The following ARL13B variants were observed in gnomAD, a reference collection of about 807,000 sequenced individuals.
ARL13B encodes ADP-ribosylation factor-like protein 13B.
In ARL13B, 36 loss-of-function variants were observed where a neutral mutation model predicts 56.1. The ratio of observed to expected loss-of-function variants is 0.64; its 90% CI spans 0.49 to 0.85. The LOEUF is 0.85. Ranked by LOEUF, ARL13B falls within the 40% of genes least tolerant of loss-of-function variation. The pLI is 0.00. For synonymous variants in ARL13B, 178 were observed against 171.1 expected (o/e 1.04, Z -0.32); for missense variants, 519 against 507.1 (o/e 1.02, Z -0.23).
At position 94,036,602 on chromosome 3, in the gene ARL13B, T is replaced by G. The variant is rs2076772389; in HGVS notation, c.537T>G (p.Ile179Met). The G allele has an allele frequency of 6.2e-7, 1 of 1,614,054 alleles. No homozygotes were observed. The highest frequency in any genetic ancestry group is 1.7e-5 in the Admixed American group (1 of 60,012). Reference sequence around the variant, plus strand: ...ATGGAAAGAAAATTGACAAGTCCATTAAAAAAGGCCTTTATTGGCTGCTAC... The same window carrying G: ...ATGGAAAGAAAATTGACAAGTCCATGAAAAAAGGCCTTTATTGGCTGCTAC... ...SGYGKKIDKS[I>M]KKGLYWLLHV... The change falls in exon 5 of 10, where the codon ATT becomes ATG. Residue 179 changes from isoleucine to methionine, a missense_variant. Ile to Met is a conservative substitution (Grantham distance 10). Coordinates refer to ENST00000394222, the MANE Select transcript of ARL13B (RefSeq NM_001174150.2).
chr3:93,985,481 A>G (rs1403384206), intron 1 of ARL13B, among the ~76,000 whole-genome samples: 3 of 152,194 alleles, frequency 2.0e-5, no homozygotes, highest in Non-Finnish European at 4.4e-5. Flanking sequence ...TCTTGAAGAA[A>G]TTCATGCAAC....
intron 3 of ARL13B, among the ~76,000 whole-genome samples, chr3:94,021,690 G>A (rs1018471142): frequency 6.6e-6 from 1 of 152,042 alleles, no homozygotes; most frequent in Admixed American, 6.6e-5. Flanking sequence ...GTTAAAGTAG[G>A]TTGGCTTAGT....
In ARL13B at chr3:94,039,894, A is replaced by C. The variant is rs1199859314; in HGVS notation, c.704A>C (p.Gln235Pro). The C allele has an allele frequency of 1.2e-6, 2 of 1,614,120 alleles. No homozygotes were observed. Among genetic ancestry groups the C allele is most frequent in the Non-Finnish European group, 1.7e-6 (2 of 1,179,984 alleles). ...KLREERKQNE[Q>P]EQAELDGTSG... is the part of the protein sequence containing the mutation. The stretch of plus-strand genomic sequence containing the variant: ...TCAAACGATAGAAAACAAAATGAAC[A>C]GGAGCAGGCTGAACTCGATGGAACC... The change falls in exon 6 of 10, where the codon CAG (glutamine) becomes CCG (proline). Residue 235 changes from glutamine (Q) to proline (P), a missense_variant. Coordinates refer to ENST00000394222, the MANE Select transcript of ARL13B (RefSeq NM_001174150.2).
intron 5 of ARL13B, among the ~76,000 whole-genome samples, chr3:94,039,461 A>G (rs551424906): frequency 2.9e-4 from 42 of 143,514 alleles, no homozygotes; most frequent in African/African-American, 8.5e-4. Flanking sequence ...GATGGTGCCA[A>G]TGCACTCCAG....
intron 3 of ARL13B, among the ~76,000 whole-genome samples, chr3:94,010,885 C>T (rs2076213491): frequency 6.6e-6 from 1 of 151,806 alleles, no homozygotes; most frequent in Non-Finnish European, 1.5e-5. Flanking sequence ...TCATGATAAA[C>T]AATTTAGTAA....
intron 3 of ARL13B, among the ~76,000 whole-genome samples, chr3:94,027,987 G>A (rs1018822194): frequency 6.6e-5 from 10 of 152,104 alleles, no homozygotes; most frequent in Non-Finnish European, 1.2e-4. Flanking sequence ...CTGCTTTTCA[G>A]AGTGAAATAT....
intron 3 of ARL13B, among the ~76,000 whole-genome samples, chr3:94,013,812 T>C (rs1312079430): frequency 6.6e-6 from 1 of 152,112 alleles, no homozygotes; most frequent in Non-Finnish European, 1.5e-5. Context: ...CCGAGTGTGG[T>C]GGTGCACACC....
chr3:93,998,844 C>T (rs1369425169), intron 2 of ARL13B, among the ~76,000 whole-genome samples: 6 of 151,518 alleles, frequency 4.0e-5, no homozygotes, highest in Admixed American at 2.0e-4. Flanking sequence ...TTAGGCCATG[C>T]GCCTAGGTCT....
At chr3:93,985,677 C>A (rs1639051323) in intron 1 of ARL13B, among the ~76,000 whole-genome samples, 1 of 152,144 alleles carries the variant, frequency 6.6e-6, no homozygotes. Flanking sequence ...CTTTAGTCAT[C>A]ATATTTCAAT....
At chr3:94,015,039 AC>A in intron 3 of ARL13B, 1 of 1,614,006 alleles carries the variant, frequency 6.2e-7, no homozygotes, top group Non-Finnish European at 8.5e-7. Flanking sequence ...AAGCCACCAG[AC>A]TTTTCTGTTG....
intron 2 of ARL13B, among the ~76,000 whole-genome samples, chr3:93,999,263 A>C (rs1048935693): frequency 1.3e-5 from 2 of 151,682 alleles, no homozygotes; most frequent in Non-Finnish European, 2.9e-5. Context: ...TTTTTTAGAG[A>C]CAGGGTATCA....
chr3:94,032,606 C>T (rs1467523785), intron 3 of ARL13B, among the ~76,000 whole-genome samples: 2 of 152,138 alleles, frequency 1.3e-5, no homozygotes, highest in Non-Finnish European at 2.9e-5. Context: ...ATGCCCTTCT[C>T]CTGCCTCAGC....
chr3:94,054,644 A>G lies in ARL13B; in HGVS notation c.*1381A>G. 2.6e-6 allele frequency: 1 copy of G among 379,634 alleles called. No individual in the cohort carries two copies. Among genetic ancestry groups the G allele is most frequent in the Non-Finnish European group, 5.1e-6 (1 of 196,246 alleles). The allele number at this position is 379,634 out of a possible 1,614,324, so 23.5% of individuals were successfully genotyped here. On this transcript the variant is annotated 3_prime_UTR_variant, in exon 10 of 10. Transcript: ENST00000394222. ...CGTTTAATATAATTATTTACTTTAA[A>G]AATTGTACTTCAGAACATCAGATTT... is the stretch of plus-strand genomic sequence containing the variant.
chr3:93,988,700 C>T (rs182346646), intron 1 of ARL13B: 125 of 459,458 alleles, frequency 2.7e-4, no homozygotes, highest in African/African-American at 2.1e-3. Context: ...TTAGTTTCTT[C>T]GTTTTCTGCA....
rs533583965 is a variant in ARL13B at position 94,048,455 on chromosome 3, A to G, written c.1025-951A>G. Reference sequence around the variant, plus strand: ...TCCTTAAAGTGTTTATATGTGTTTAAGTTAAAATATGTAAATAATTTTTAA... The same window carrying G: ...TCCTTAAAGTGTTTATATGTGTTTAGGTTAAAATATGTAAATAATTTTTAA... On this transcript the variant is annotated intron_variant, in intron 7 of 9. Coordinates refer to ENST00000394222, the MANE Select transcript of ARL13B (RefSeq NM_001174150.2). 1.2e-4 allele frequency among the ~76,000 whole-genome samples: 18 copies of G among 152,370 alleles called. No homozygotes were observed. The South Asian group carries it at 3.7e-3, about 32-fold the overall frequency.
intron 7 of ARL13B, 124 bp from the exon 8 acceptor site, chr3:94,049,282 C>A: frequency 1.8e-6 from 1 of 551,014 alleles, no homozygotes; most frequent in Non-Finnish European, 3.2e-6. Flanking sequence ...TAACAATTTC[C>A]AAAGTTAAAT....
chr3:93,983,834 A>G (rs1710328291), intron 1 of ARL13B, among the ~76,000 whole-genome samples: 2 of 152,122 alleles, frequency 1.3e-5, no homozygotes, highest in African/African-American at 4.8e-5. Context: ...GTTTCTCTGT[A>G]GTACAATTGA....
chr3:94,043,274 A>G (rs1272071554), intron 7 of ARL13B, 34 bp downstream of exon 7: 23 of 1,526,958 alleles, frequency 1.5e-5, no homozygotes, highest in Non-Finnish European at 2.0e-5. Flanking sequence ...TAATTATCTT[A>G]TGTATATATA....
chr3:94,027,370 A>G (rs946572812), intron 3 of ARL13B, among the ~76,000 whole-genome samples: 11 of 152,162 alleles, frequency 7.2e-5, no homozygotes, highest in African/African-American at 2.2e-4. Flanking sequence ...TAAACTTTCA[A>G]TGCTTTTTTC....
Sources: allele counts gnomAD v4.1 joint callset (sites outside exome capture counted in the v4.1 genomes callset), GRCh38; gene constraint gnomAD v4.1.1; transcripts MANE v1.5; gene names NCBI Gene and HGNC (gene_info 2026-07-23, HGNC 2026-07-21).